Variants in BNC2 observed in about 807,000 individuals in gnomAD.
BNC2 encodes the protein zinc finger protein basonuclin-2.
A neutral mutation model predicts 76.3 loss-of-function variants in BNC2; 20 were observed. That is an observed-to-expected ratio of 0.26 (90% CI 0.18 to 0.38). The LOEUF (loss-of-function observed/expected upper bound fraction) is 0.38, where lower values mean the gene tolerates loss of function less well. Among genes scored for constraint, BNC2 ranks in the 10% least tolerant of loss-of-function variants. The pLI is 1.00. For missense variants in BNC2, 1,382 were observed against 1,399.8 expected (o/e 0.99, Z 0.20); for synonymous variants, 582 against 514.8 (o/e 1.13, Z -1.77).
Position 16,727,891 on chromosome 9 carries a change from A to G in BNC2, c.236T>C (p.Met79Thr), listed in dbSNP as rs1369284392. ...CGTAGTCGTTCTGGTTCCGAACTGC[A>G]TGGAGTTGTCAGTACAGGAGTCTCT... The part of the protein sequence containing the change: ...TLRDSCTDNS[M>T]QFGTRTTTAE... The change falls in exon 3 of 7, where the codon ATG (methionine) becomes ACG (threonine). Residue 79 changes from methionine (M) to threonine (T), a missense_variant. Physicochemically the swap from Met to Thr is moderately conservative, Grantham distance 81. Coordinates refer to ENST00000380672, the MANE Select transcript of BNC2 (RefSeq NM_017637.6). 2 of 1,614,046 alleles carry G rather than the reference A, an allele frequency of 1.2e-6. No individual in the cohort carries two copies. Among genetic ancestry groups the G allele is most frequent in the Admixed American group, 1.7e-5 (1 of 60,002 alleles).
intron 5 of BNC2, chr9:16,476,249 A>G (rs1321207925): frequency 6.6e-6 from 1 of 152,238 alleles, no homozygotes; most frequent in Non-Finnish European, 1.5e-5. Context: ...CCTGTGGAAG[A>G]TAATCCTAGG....
At chr9:16,540,322 T>C (rs977444041) in intron 5 of BNC2, among the ~76,000 whole-genome samples, 4 of 152,074 alleles carry the variant, frequency 2.6e-5, no homozygotes, top group Non-Finnish European at 5.9e-5. Flanking sequence ...TTTCCACTTG[T>C]GTATTGAAAA....
intron 3 of BNC2, among the ~76,000 whole-genome samples, chr9:16,583,922 A>C (rs1160288667): frequency 6.6e-6 from 1 of 152,202 alleles, no homozygotes; most frequent in Non-Finnish European, 1.5e-5. Flanking sequence ...TAATATTATA[A>C]AATGAATCCA....
chr9:16,436,532 G>C lies in BNC2; in HGVS notation c.1662C>G (p.Leu554=). The C allele has an allele frequency of 6.2e-7, 1 of 1,614,170 alleles. No individual in the cohort carries two copies. Among genetic ancestry groups the C allele is most frequent in the Non-Finnish European group, 8.5e-7 (1 of 1,180,036 alleles). ...GCCCAGAAAATACTAGCTGGCTAGG[G>C]AGAGGATTTTGCAAGACAGGGTCTA... The part of the protein sequence containing the change: ...PPLDPVLQNP[L]PSQLVFSGLK... The change falls in exon 6 of 7, where the codon CTC becomes CTG. Residue 554 remains leucine (L), a synonymous_variant. Transcript: ENST00000380672.
intron 3 of BNC2, among the ~76,000 whole-genome samples, chr9:16,628,225 C>A (rs1157519979): frequency 6.6e-6 from 1 of 152,196 alleles, no homozygotes; most frequent in Admixed American, 6.5e-5. Flanking sequence ...CTGAAAGCAG[C>A]TGTACTGAAA....
chr9:16,846,426 G>A (rs1257623641), intron 1 of BNC2, among the ~76,000 whole-genome samples: 1 of 152,174 alleles, frequency 6.6e-6, no homozygotes. Flanking sequence ...CACCAATTCT[G>A]TGGTATATTC....
intron 3 of BNC2, among the ~76,000 whole-genome samples, chr9:16,704,482 G>C (rs1823601738): frequency 6.7e-6 from 1 of 150,050 alleles, no homozygotes; most frequent in Non-Finnish European, 1.5e-5. Flanking sequence ...TCCATTTCCA[G>C]AACTCCTGAT....
intron 1 of BNC2, among the ~76,000 whole-genome samples, chr9:16,822,532 T>A (rs1057190848): frequency 6.6e-6 from 1 of 151,932 alleles, no homozygotes; most frequent in Non-Finnish European, 1.5e-5. Flanking sequence ...AAGGAAAAAA[T>A]TTAAAAGAGA....
At chr9:16,527,971 G>A (rs529201491) in intron 5 of BNC2, among the ~76,000 whole-genome samples, 6 of 152,174 alleles carry the variant, frequency 3.9e-5, no homozygotes, top group African/African-American at 7.2e-5. Flanking sequence ...CAATAATGAT[G>A]AATTTGCAAG....
rs1820596564 is a variant in BNC2, at chr9:16,416,974, T to A, written c.*2015A>T. 6.6e-6 allele frequency: 1 copy of A among 152,290 alleles called. No homozygotes were observed. Among genetic ancestry groups the A allele is most frequent in the African/African-American group, 2.4e-5 (1 of 41,334 alleles). 9.4% of individuals were successfully genotyped at this position (152,290 alleles called of 1,614,324 possible). A position where few individuals can be genotyped will look rare whatever the true frequency, so the allele number is the denominator to read the frequency against. On this transcript the variant is annotated 3_prime_UTR_variant, in exon 7 of 7. Coordinates refer to ENST00000380672, the MANE Select transcript of BNC2 (RefSeq NM_017637.6). The stretch of plus-strand genomic sequence containing the variant: ...AAAATAATTACAAAAACATGAAAAA[T>A]GGAAACGACATAAAAGTTAAAATAA...
intron 1 of BNC2, among the ~76,000 whole-genome samples, chr9:16,748,140 G>C (rs796908890): frequency 1.3e-5 from 2 of 152,184 alleles, no homozygotes; most frequent in Non-Finnish European, 2.9e-5. Context: ...AGGAGAAAGA[G>C]AGAGTAGAAA....
chr9:16,760,313 G>T (rs984971746), intron 1 of BNC2, among the ~76,000 whole-genome samples: 7 of 152,274 alleles, frequency 4.6e-5, no homozygotes, highest in East Asian at 1.9e-4. Flanking sequence ...AAATAGCTAA[G>T]TCATTTAATA....
intron 4 of BNC2, among the ~76,000 whole-genome samples, chr9:16,554,743 C>T (rs546871416): frequency 7.2e-5 from 11 of 152,086 alleles, no homozygotes; most frequent in African/African-American, 1.9e-4. Flanking sequence ...AGATCGGGGG[C>T]GATCTGCTCC....
chr9:16,424,198 A>C (rs1820761088), intron 6 of BNC2, among the ~76,000 whole-genome samples: 1 of 152,032 alleles, frequency 6.6e-6, no homozygotes, highest in African/African-American at 2.4e-5. Flanking sequence ...TAAAAACAAA[A>C]ACACTATCTA....
At chr9:16,581,031 C>A (rs1172458283) in intron 4 of BNC2, among the ~76,000 whole-genome samples, 2 of 152,080 alleles carry the variant, frequency 1.3e-5, no homozygotes, top group Non-Finnish European at 2.9e-5. Context: ...AAGCTCTGTA[C>A]CTATTACCCA....
intron 4 of BNC2, among the ~76,000 whole-genome samples, chr9:16,577,847 T>G (rs1015966738): frequency 5.3e-5 from 8 of 152,138 alleles, no homozygotes; most frequent in Non-Finnish European, 8.8e-5. Flanking sequence ...TGAATGAAGA[T>G]TCTAGTATTC....
At chr9:16,856,586 A>G (rs983629595) in intron 1 of BNC2, among the ~76,000 whole-genome samples, 2 of 152,146 alleles carry the variant, frequency 1.3e-5, no homozygotes, top group Middle Eastern at 3.2e-3. Context: ...TCGTGTAAAT[A>G]TATTTCTTAC....
rs141539040 is a variant in BNC2 at position 16,864,452 on chromosome 9, C to T, written c.3+6194G>A. On this transcript the variant is annotated intron_variant, in intron 1 of 6. Coordinates refer to ENST00000380672, the MANE Select transcript of BNC2 (RefSeq NM_017637.6). ...TGCTGTCAAATGTATTCAATTTTCC[C>T]CTCAAATGAAGTTTGGATGAAAACA... 2.6e-5 allele frequency among the ~76,000 whole-genome samples: 4 copies of T among 152,182 alleles called. No homozygotes were observed. The East Asian group carries it at 7.7e-4, about 29-fold the overall frequency.
chr9:16,863,071 C>T (rs1178981547), intron 1 of BNC2, among the ~76,000 whole-genome samples: 1 of 151,976 alleles, frequency 6.6e-6, no homozygotes, highest in African/African-American at 2.4e-5. Context: ...CCCGCCACCA[C>T]GCCCAGCTAA....
Sources: gnomAD v4.1 joint callset for allele counts (sites outside exome capture counted in the v4.1 genomes callset) on GRCh38, gnomAD v4.1.1 for gene constraint, MANE v1.5 for transcripts, NCBI Gene and HGNC (gene_info 2026-07-23, HGNC 2026-07-21) for gene names.